SLC25A21: variants seen among roughly 807,000 people sequenced by gnomAD.
The protein encoded by SLC25A21 is mitochondrial 2-oxodicarboxylate carrier.
Under a neutral mutation model 43.8 loss-of-function variants are expected in SLC25A21, and 47 were observed. That is an observed-to-expected ratio of 1.07 (90% CI 0.85 to 1.37). SLC25A21 has a LOEUF of 1.37. SLC25A21 is among the 40% of genes most tolerant of loss of function. The probability of loss-of-function intolerance (pLI) is 0.00; values close to 1 mark genes in which losing one functional copy is unlikely to be tolerated. For synonymous variants in SLC25A21, 131 were observed against 121.3 expected (o/e 1.08, Z -0.52); for missense variants, 352 against 350.2 (o/e 1.00, Z -0.04).
chr14:36,711,066 G>C (rs1429457620), intron 7 of SLC25A21, among the ~76,000 whole-genome samples: 1 of 152,146 alleles, frequency 6.6e-6, no homozygotes, highest in African/African-American at 2.4e-5. Context: ...GATAAATTTT[G>C]GTGTCAGACT....
At chr14:36,978,398 T>C (rs1035539906) in intron 1 of SLC25A21, among the ~76,000 whole-genome samples, 9 of 152,178 alleles carry the variant, frequency 5.9e-5, no homozygotes, top group African/African-American at 1.9e-4. Context: ...ATGATGTGCA[T>C]ATCTTAATTA....
chr14:36,935,178 A>G (rs1056622929), intron 1 of SLC25A21, among the ~76,000 whole-genome samples: 1 of 152,180 alleles, frequency 6.6e-6, no homozygotes, highest in Non-Finnish European at 1.5e-5. Context: ...CTAACTGCCC[A>G]CACACTATCC....
At chr14:36,894,921 G>A (rs1323427993) in intron 1 of SLC25A21, among the ~76,000 whole-genome samples, 4 of 152,148 alleles carry the variant, frequency 2.6e-5, no homozygotes, top group Non-Finnish European at 5.9e-5. Flanking sequence ...GCTTTTTGAT[G>A]TGCTGCTGGA....
intron 1 of SLC25A21, among the ~76,000 whole-genome samples, chr14:36,963,396 G>A (rs1443749180): frequency 6.6e-6 from 1 of 152,186 alleles, no homozygotes; most frequent in African/African-American, 2.4e-5. Context: ...ATTTATGGCT[G>A]ACAGAGTAAT....
intron 1 of SLC25A21, among the ~76,000 whole-genome samples, chr14:36,979,219 C>T (rs17105840): frequency 0.35 from 53,158 of 151,970 alleles, 12,330 homozygotes; most frequent in African/African-American, 0.67. Context: ...GGGGTCTTTG[C>T]CTTGATAGCT....
intron 6 of SLC25A21, 122 bp downstream of exon 6, chr14:36,725,448 C>T (rs1438378459): frequency 2.5e-6 from 1 of 393,824 alleles, no homozygotes; most frequent in African/African-American, 2.2e-5. Flanking sequence ...GCACTCCAGC[C>T]TGGGCAACAA....
At chr14:37,134,277 T>C (rs1963440139) in intron 1 of SLC25A21, among the ~76,000 whole-genome samples, 1 of 152,172 alleles carries the variant, frequency 6.6e-6, no homozygotes, top group African/African-American at 2.4e-5. Context: ...TTATTCCCTA[T>C]GATGAGTCCT....
chr14:36,830,418 T>G (rs1566655620), intron 2 of SLC25A21, among the ~76,000 whole-genome samples: 1 of 152,154 alleles, frequency 6.6e-6, no homozygotes. Flanking sequence ...TAACAAAGAT[T>G]GTGTGAATAT....
chr14:36,889,555 T>C (rs890199093), intron 1 of SLC25A21, among the ~76,000 whole-genome samples: 8 of 152,126 alleles, frequency 5.3e-5, no homozygotes, highest in Non-Finnish European at 1.2e-4. Context: ...GGTGCAATCA[T>C]AGCTCACTGC....
At chr14:36,918,884 A>G (rs1313197325) in intron 1 of SLC25A21, among the ~76,000 whole-genome samples, 2 of 152,142 alleles carry the variant, frequency 1.3e-5, no homozygotes, top group Non-Finnish European at 2.9e-5. Context: ...TGTAAGACAC[A>G]TAAATTTTTC....
chr14:36,883,016 A>G (rs565106168), intron 1 of SLC25A21, among the ~76,000 whole-genome samples: 10 of 152,120 alleles, frequency 6.6e-5, no homozygotes, highest in Non-Finnish European at 1.3e-4. Context: ...ATCATTTCTC[A>G]GCAGATCAAT....
intron 2 of SLC25A21, among the ~76,000 whole-genome samples, chr14:36,847,571 A>G (rs149134809): frequency 3.3e-5 from 5 of 152,168 alleles, no homozygotes; most frequent in East Asian, 1.9e-4. Flanking sequence ...AGAGGAGGTG[A>G]TATCTGAGGA....
At chr14:36,832,257 T>G (rs1477239211) in intron 2 of SLC25A21, among the ~76,000 whole-genome samples, 1 of 151,968 alleles carries the variant, frequency 6.6e-6, no homozygotes, top group East Asian at 1.9e-4. Context: ...TTCTACAAAA[T>G]AATATATATA....
intron 1 of SLC25A21, among the ~76,000 whole-genome samples, chr14:36,901,516 A>G (rs2138598191): frequency 6.6e-6 from 1 of 152,338 alleles, no homozygotes; most frequent in African/African-American, 2.4e-5. Flanking sequence ...GCATTTAAAA[A>G]TAAATAGAAT....
intron 1 of SLC25A21, chr14:37,098,697 T>TTAGATAGATAGATAGA (rs139250576): frequency 1.2e-4 from 14 of 117,304 alleles, no homozygotes; most frequent in Middle Eastern, 4.2e-3. Flanking sequence ...TATAGGACGA[T>TTAGATAGATAGATAGA]TAGATAGATA....
chr14:37,127,410 T>C (rs1963315655), intron 1 of SLC25A21, among the ~76,000 whole-genome samples: 1 of 152,202 alleles, frequency 6.6e-6, no homozygotes, highest in African/African-American at 2.4e-5. Context: ...AAAACAAATA[T>C]CTTTGACTTT....
chr14:37,141,077 G>A (rs570320793), intron 1 of SLC25A21, among the ~76,000 whole-genome samples: 2 of 152,198 alleles, frequency 1.3e-5, no homozygotes, highest in African/African-American at 4.8e-5. Flanking sequence ...CCAGGGAAGC[G>A]GAGGTTGCAG....
intron 1 of SLC25A21, among the ~76,000 whole-genome samples, chr14:36,970,004 T>C (rs1959713865): frequency 6.6e-6 from 1 of 152,156 alleles, no homozygotes; most frequent in African/African-American, 2.4e-5. Flanking sequence ...AAGACCCAGA[T>C]AAATTCCTAT....
intron 4 of SLC25A21, among the ~76,000 whole-genome samples, chr14:36,730,484 T>A (rs1046277610): frequency 1.3e-5 from 2 of 152,140 alleles, no homozygotes; most frequent in African/African-American, 4.8e-5. Context: ...TCCCCAATAT[T>A]TTCTACTCTA....
Sources: allele counts gnomAD v4.1 joint callset (sites outside exome capture counted in the v4.1 genomes callset), GRCh38; gene constraint gnomAD v4.1.1; transcripts MANE v1.5; gene names NCBI Gene and HGNC (gene_info 2026-07-23, HGNC 2026-07-21).